WNK1: variants seen among roughly 807,000 people sequenced by gnomAD.
The protein encoded by WNK1 is serine/threonine-protein kinase WNK1.
WNK1 carries 38 observed loss-of-function variants against 222.8 expected under a neutral mutation model. The observed-to-expected ratio is 0.17, with a 90% CI of 0.13 to 0.22. The LOEUF is 0.22. Ranked by LOEUF, WNK1 falls within the 10% of genes least tolerant of loss-of-function variation. WNK1 has a pLI of 1.00. For missense variants in WNK1, 2,348 were observed against 2,918.4 expected, an observed-to-expected ratio of 0.80 and a Z score of 4.50; for synonymous variants, 1,090 against 1,092.9, an observed-to-expected ratio of 1.00 and a Z score of 0.05.
Position 908,861 on chromosome 12 carries a change from G to GGGGGGGGGGGGT in WNK1, c.*69_*70insGGGGGGGGGGGT. ...ATGCTGAGGGGGTGGGTGGGGGTGG[G>GGGGGGGGGGGGT]AAGTAGCCTATATACTAACTACTAG... On this transcript the variant is annotated 3_prime_UTR_variant, in exon 28 of 28. Coordinates refer to ENST00000315939, the MANE Select transcript of WNK1 (RefSeq NM_018979.4). 3 of 491,844 alleles carry GGGGGGGGGGGGT rather than the reference G, an allele frequency of 6.1e-6. No individual in the cohort carries two copies. The highest frequency in any genetic ancestry group is 4.1e-6 in the Non-Finnish European group (1 of 241,768). 30.5% of individuals were successfully genotyped at this position (491,844 alleles called of 1,614,324 possible). A position where few individuals can be genotyped will look rare whatever the true frequency, so the allele number is the denominator to read the frequency against.
chr12:769,758 A>G (rs557240054), intron 1 of WNK1, among the ~76,000 whole-genome samples: 2 of 152,264 alleles, frequency 1.3e-5, no homozygotes, highest in South Asian at 4.1e-4. Flanking sequence ...CATAATATAT[A>G]AAGAACAGAA....
At chr12:818,273 A>G (rs892527849) in intron 2 of WNK1, among the ~76,000 whole-genome samples, 1 of 152,114 alleles carries the variant, frequency 6.6e-6, no homozygotes, top group Non-Finnish European at 1.5e-5. Context: ...TCAGTTTCTG[A>G]GCTTCAGAGG....
rs778520770 is a variant in WNK1, at chr12:827,001, C to T, written c.933-41C>T. On this transcript the variant is annotated intron_variant, in intron 2 of 27. Transcript: ENST00000315939. The surrounding 1 kb of genome is among the most constrained non-coding windows in gnomAD (Gnocchi z 4.6). ...TGGAATTCTTCAAAGCAACAAACTC[C>T]TATCATTGATAACTTGTTTGGTATA... 8.5e-6 allele frequency: 13 copies of T among 1,524,766 alleles called. No homozygotes were observed. Among genetic ancestry groups the T allele is most frequent in the East Asian group, 2.3e-5 (1 of 44,432 alleles). 94.5% of individuals were successfully genotyped at this position (1,524,766 alleles called of 1,614,324 possible).
chr12:761,090 G>A (rs1349717138), intron 1 of WNK1, among the ~76,000 whole-genome samples: 4 of 147,074 alleles, frequency 2.7e-5, no homozygotes, highest in Non-Finnish European at 6.1e-5. Context: ...TGGTCTATAT[G>A]TAGTTTTTAA....
intron 8 of WNK1, 89 bp downstream of exon 8, chr12:862,359 A>C: frequency 1.5e-6 from 2 of 1,368,434 alleles, no homozygotes; most frequent in Non-Finnish European, 1.0e-6. Context: ...ACCAAGTAAC[A>C]GTATGAGTCT....
intron 4 of WNK1, among the ~76,000 whole-genome samples, chr12:853,120 G>A (rs567388539): frequency 6.6e-6 from 1 of 152,030 alleles, no homozygotes; most frequent in South Asian, 2.1e-4. Flanking sequence ...GGCTAACTTG[G>A]CACCTATGGT....
chr12:806,907 T>C (rs180898744), intron 1 of WNK1, among the ~76,000 whole-genome samples: 270 of 152,374 alleles, frequency 1.8e-3, no homozygotes, highest in Non-Finnish European at 2.1e-3. Flanking sequence ...ATTCTCAATA[T>C]AAAACTCAGT....
chr12:798,015 A>G (rs867100914), intron 1 of WNK1, among the ~76,000 whole-genome samples: 1 of 151,874 alleles, frequency 6.6e-6, no homozygotes, highest in Non-Finnish European at 1.5e-5. Context: ...AAGATGAGTA[A>G]TATTAATATC....
chr12:810,839 C>G (rs1441153026), intron 1 of WNK1, among the ~76,000 whole-genome samples: 1 of 152,138 alleles, frequency 6.6e-6, no homozygotes, highest in Non-Finnish European at 1.5e-5. Context: ...TTGGGTAGTA[C>G]TGAGATGAGC....
chr12:838,360 C>T (rs2154036146), intron 4 of WNK1, among the ~76,000 whole-genome samples: 1 of 152,172 alleles, frequency 6.6e-6, no homozygotes, highest in African/African-American at 2.4e-5. Context: ...ACATTCCCAC[C>T]ATCAGTGTAA....
At chr12:890,670 A>G (rs1222395434) in intron 22 of WNK1, among the ~76,000 whole-genome samples, 157 bp downstream of exon 22, 1 of 152,204 alleles carries the variant, frequency 6.6e-6, no homozygotes, top group Non-Finnish European at 1.5e-5. Flanking sequence ...AAATTAATAA[A>G]TCTGTTCCGT....
Position 879,688 on chromosome 12 carries a change from C to G in WNK1, c.2489C>G (p.Pro830Arg), listed in dbSNP as rs575889688. 3 of 1,613,772 alleles carry G rather than the reference C, an allele frequency of 1.9e-6. No homozygotes were observed. Among genetic ancestry groups the G allele is most frequent in the Admixed American group, 3.3e-5 (2 of 59,964 alleles). ...GCTCATTTCCTTCCAGTGGGACAGC[C>G]GCTCCCTACTCCCTTGCTCCCTCAG... The part of the protein sequence containing the change: ...SGAHFLPVGQ[P>R]LPTPLLPQYP... The change falls in exon 11 of 28, where the codon CCG becomes CGG. Residue 830 changes from proline to arginine, a missense_variant. Physicochemically the swap from Pro to Arg is moderately radical, Grantham distance 103. Around this residue, in one of 13 missense-constraint regions of WNK1, gnomAD observed 547 missense variants for 558.3 expected, o/e 0.98. Coordinates refer to ENST00000315939, the MANE Select transcript of WNK1 (RefSeq NM_018979.4).
rs72650753 is a variant in WNK1 at position 890,636 on chromosome 12, A to G, written c.5509+123A>G. On this transcript the variant is annotated intron_variant, in intron 22 of 27. Coordinates refer to ENST00000315939, the MANE Select transcript of WNK1 (RefSeq NM_018979.4). ...TGATAACTGAGGAGCATTGGTAGTA[A>G]TATCTAAAGCTTGAAAGATTAGCAA... 3.0e-4 allele frequency: 302 copies of G among 993,974 alleles called. No individual in the cohort carries two copies. In the African/African-American group the frequency reaches 3.9e-3, roughly 13 times the overall value. 61.6% of individuals were successfully genotyped at this position (993,974 alleles called of 1,614,324 possible). A position where few individuals can be genotyped will look rare whatever the true frequency, so the allele number is the denominator to read the frequency against.
At chr12:888,366 A>G (rs538583262) in intron 20 of WNK1, among the ~76,000 whole-genome samples, 2 of 152,354 alleles carry the variant, frequency 1.3e-5, no homozygotes, top group African/African-American at 4.8e-5. Context: ...AATTAGTTTT[A>G]AACTTATTTT....
chr12:800,453 T>C (rs1383448189), intron 1 of WNK1, among the ~76,000 whole-genome samples: 4 of 152,290 alleles, frequency 2.6e-5, no homozygotes, highest in African/African-American at 7.2e-5. Flanking sequence ...TTGCCTGCTA[T>C]AATTATTTTT....
intron 4 of WNK1, among the ~76,000 whole-genome samples, chr12:853,854 G>A (rs78295104): frequency 6.6e-6 from 1 of 152,006 alleles, no homozygotes; most frequent in East Asian, 2.0e-4. Flanking sequence ...GGGCTGAAAT[G>A]ATCCTCTGGC....
chr12:830,872 G>A (rs537571349), intron 4 of WNK1, among the ~76,000 whole-genome samples: 29 of 152,262 alleles, frequency 1.9e-4, no homozygotes, highest in South Asian at 4.1e-4. Flanking sequence ...AAAAATGTCC[G>A]TTGACAGTGT....
At chr12:789,470 T>C (rs1480385232) in intron 1 of WNK1, among the ~76,000 whole-genome samples, 1 of 152,044 alleles carries the variant, frequency 6.6e-6, no homozygotes, top group Non-Finnish European at 1.5e-5. Flanking sequence ...TCTACCTGTA[T>C]ACCTGTATTA....
intron 4 of WNK1, among the ~76,000 whole-genome samples, chr12:840,291 CTT>C (rs71441622): frequency 7.8e-6 from 1 of 128,404 alleles, no homozygotes; most frequent in Non-Finnish European, 1.6e-5. Context: ...CCATGTCCAG[CTT>C]TTTTTTTTTT....
Sources: allele counts gnomAD v4.1 joint callset (sites outside exome capture counted in the v4.1 genomes callset), GRCh38; gene constraint gnomAD v4.1.1; regional missense constraint gnomAD v4.1.1; non-coding constraint Gnocchi (gnomAD v3.1); transcripts MANE v1.5; gene names NCBI Gene and HGNC (gene_info 2026-07-23, HGNC 2026-07-21).